RARB: variants seen among roughly 807,000 people sequenced by gnomAD.
The protein encoded by RARB is HBV-activated protein.
In RARB, 17 loss-of-function variants were observed where a neutral mutation model predicts 51.9. The observed-to-expected ratio is 0.33, with a 90% CI of 0.22 to 0.49. The LOEUF (loss-of-function observed/expected upper bound fraction) is 0.49. Among genes scored for constraint, RARB ranks in the 20% least tolerant of loss-of-function variants. The pLI is 0.99. For synonymous variants in RARB, 215 were observed against 195.4 expected (o/e 1.10, Z -0.84); for missense variants, 369 against 550.8 (o/e 0.67, Z 3.30).
intron 4 of RARB, among the ~76,000 whole-genome samples, chr3:25,139,301 C>A (rs1399010624): frequency 1.3e-5 from 2 of 152,152 alleles, no homozygotes; most frequent in African/African-American, 4.8e-5. Context: ...AAGTCTCTTG[C>A]ACCAAACAGC....
intron 5 of RARB, among the ~76,000 whole-genome samples, chr3:25,382,114 T>C (rs1706645739): frequency 1.3e-5 from 2 of 152,180 alleles, no homozygotes; most frequent in South Asian, 4.1e-4. Flanking sequence ...GCTTGTTTCT[T>C]TGGGCTCAAA....
At chr3:25,034,841 CAG>C (rs939473813) in intron 2 of RARB, among the ~76,000 whole-genome samples, 1 of 152,142 alleles carries the variant, frequency 6.6e-6, no homozygotes, top group African/African-American at 2.4e-5. Flanking sequence ...CTTGGAAATT[CAG>C]AAGACCTGGA....
chr3:25,175,278 C>A (rs574209238), intron 5 of RARB, among the ~76,000 whole-genome samples: 3 of 152,174 alleles, frequency 2.0e-5, no homozygotes, highest in African/African-American at 4.8e-5. Context: ...TGGTAGCCAG[C>A]GAGCTTTTCC....
At chr3:25,503,878 C>G (rs958331806) in intron 3 of RARB, among the ~76,000 whole-genome samples, 2 of 152,148 alleles carry the variant, frequency 1.3e-5, no homozygotes, top group African/African-American at 4.8e-5. Flanking sequence ...TTTCACTCAC[C>G]TCTCTCATTT....
intron 5 of RARB, among the ~76,000 whole-genome samples, chr3:25,175,428 G>A (rs1297842584): frequency 6.6e-6 from 1 of 152,166 alleles, no homozygotes; most frequent in Non-Finnish European, 1.5e-5. Flanking sequence ...CCTGGTGATT[G>A]TTTTGCATTT....
At chr3:25,387,159 C>T (rs1252269560) in intron 5 of RARB, among the ~76,000 whole-genome samples, 7 of 152,164 alleles carry the variant, frequency 4.6e-5, no homozygotes, top group African/African-American at 1.7e-4. Context: ...GAAGAAATGG[C>T]TTGAAGATGC....
intron 3 of RARB, among the ~76,000 whole-genome samples, chr3:25,514,576 G>A (rs1290998740): frequency 2.0e-5 from 3 of 151,996 alleles, no homozygotes; most frequent in South Asian, 2.1e-4. Context: ...ATTGATATTG[G>A]AAAATGCAAC....
chr3:25,161,496 A>T (rs1337046682), intron 4 of RARB, among the ~76,000 whole-genome samples: 1 of 152,000 alleles, frequency 6.6e-6, no homozygotes, highest in African/African-American at 2.4e-5. Flanking sequence ...ACCTAACTCC[A>T]TGTCCTTTTA....
At chr3:25,122,777 A>G (rs58436684) in intron 3 of RARB, among the ~76,000 whole-genome samples, 19,391 of 152,162 alleles carry the variant, frequency 0.13, 1,583 homozygotes, top group South Asian at 0.28. Flanking sequence ...GGACATCTCA[A>G]TCTCAGCTGC....
chr3:24,866,341 C>A (rs1048962378), intron 2 of RARB, among the ~76,000 whole-genome samples: 4 of 152,134 alleles, frequency 2.6e-5, no homozygotes, highest in African/African-American at 9.7e-5. Flanking sequence ...ACTCTCAACT[C>A]CTCTTCATCC....
chr3:24,838,403 A>G (rs1244929998), intron 1 of RARB, among the ~76,000 whole-genome samples: 1 of 152,172 alleles, frequency 6.6e-6, no homozygotes, highest in Non-Finnish European at 1.5e-5. Context: ...AGTGACAGAT[A>G]GCATGGCCAG....
chr3:25,260,948 A>G (rs1215522242), intron 5 of RARB, among the ~76,000 whole-genome samples: 1 of 152,142 alleles, frequency 6.6e-6, no homozygotes, highest in Non-Finnish European at 1.5e-5. Context: ...CCTCTGGAGA[A>G]TGTTGGCCCT....
intron 2 of RARB, among the ~76,000 whole-genome samples, chr3:25,484,680 A>G (rs1056729939): frequency 8.5e-5 from 13 of 152,270 alleles, no homozygotes; most frequent in Middle Eastern, 3.4e-3. Flanking sequence ...TGTATTGTCT[A>G]TGATTGCTTT....
At chr3:25,086,645 T>C (rs1699110801) in intron 3 of RARB, among the ~76,000 whole-genome samples, 1 of 152,080 alleles carries the variant, frequency 6.6e-6, no homozygotes, top group African/African-American at 2.4e-5. Flanking sequence ...AACCAATACA[T>C]GTAAGATGTA....
intron 5 of RARB, among the ~76,000 whole-genome samples, chr3:25,364,927 C>T (rs767231370): frequency 2.2e-4 from 33 of 152,100 alleles, no homozygotes; most frequent in Non-Finnish European, 4.3e-4. Flanking sequence ...TTATTAACTT[C>T]CCTTACACTT....
At chr3:25,422,799 T>C (rs551466670) in intron 5 of RARB, among the ~76,000 whole-genome samples, 50 of 152,138 alleles carry the variant, frequency 3.3e-4, no homozygotes, top group Non-Finnish European at 5.9e-4. Flanking sequence ...AAAAGTAAAG[T>C]GTTAACAAAA....
intron 2 of RARB, among the ~76,000 whole-genome samples, chr3:24,865,066 C>A (rs148368722): frequency 7.3e-4 from 111 of 152,240 alleles, no homozygotes; most frequent in African/African-American, 2.4e-3. Flanking sequence ...TCCAGAAATA[C>A]ATGTCTCCCT....
intron 2 of RARB, among the ~76,000 whole-genome samples, chr3:25,017,810 C>T (rs1697548414): frequency 6.6e-6 from 1 of 152,130 alleles, no homozygotes; most frequent in Admixed American, 6.5e-5. Context: ...TGTTTGCTTT[C>T]CCCCTACAAA....
At chr3:24,960,752 G>A (rs1270864059) in intron 2 of RARB, among the ~76,000 whole-genome samples, 1 of 122,096 alleles carries the variant, frequency 8.2e-6, no homozygotes, top group East Asian at 2.7e-4. Flanking sequence ...TGAGAATTGA[G>A]CCTTTGGATT....
Sources: allele counts gnomAD v4.1 joint callset (sites outside exome capture counted in the v4.1 genomes callset), GRCh38; gene constraint gnomAD v4.1.1; transcripts MANE v1.5; gene names NCBI Gene and HGNC (gene_info 2026-07-23, HGNC 2026-07-21).